The following NLRP14 variants were observed in gnomAD, a reference collection of about 807,000 sequenced individuals.
NLRP14 encodes the protein NACHT, LRR and PYD domains-containing protein 14.
NLRP14 carries 105 observed loss-of-function variants against 94.7 expected under a neutral mutation model. The observed-to-expected ratio is 1.11, with a 90% CI of 0.95 to 1.30. The LOEUF (loss-of-function observed/expected upper bound fraction) is 1.30, where lower values mean the gene tolerates loss of function less well. Ranked by LOEUF, NLRP14 falls within the 50% of genes most tolerant of loss-of-function variation. NLRP14 has a pLI of 0.00. For missense variants in NLRP14, 1,362 were observed against 1,254.1 expected (o/e 1.09, Z -1.30); for synonymous variants, 508 against 459.9 (o/e 1.10, Z -1.34).
At chr11:7,036,777 A>G (rs10500674) in intron 1 of NLRP14, among the ~76,000 whole-genome samples, 93,883 of 151,872 alleles carry the variant, frequency 0.62, 29,314 homozygotes, top group East Asian at 0.74. Context: ...AGAGTATAGA[A>G]GATTGAAGAA....
chr11:7,081,150 T>A, the NLRP14 span, among the ~76,000 whole-genome samples: 1 of 152,200 alleles, frequency 6.6e-6, no homozygotes, highest in Admixed American at 6.5e-5. Flanking sequence ...TTTATGGTCA[T>A]GCTGACCTTA....
intron 1 of NLRP14, among the ~76,000 whole-genome samples, chr11:7,037,787 T>A (rs532698168): frequency 6.6e-6 from 1 of 152,150 alleles, no homozygotes; most frequent in Non-Finnish European, 1.5e-5. Flanking sequence ...CTTAAAAGTT[T>A]GAGTAGTCAT....
chr11:7,039,593 T>C, intron 2 of NLRP14, 121 bp from the exon 3 acceptor site: 1 of 834,086 alleles, frequency 1.2e-6, no homozygotes, highest in Non-Finnish European at 2.1e-6. Flanking sequence ...GCTCTAGTTT[T>C]CTTAAACCCA....
At chr11:7,069,962 C>G (rs1852766677) in intron 10 of NLRP14, among the ~76,000 whole-genome samples, 2 of 152,114 alleles carry the variant, frequency 1.3e-5, no homozygotes, top group African/African-American at 4.8e-5. Flanking sequence ...TACCAAGCTT[C>G]CAATATCTAG....
At chr11:7,050,448 A>T (rs1852425565) in intron 6 of NLRP14, among the ~76,000 whole-genome samples, 1 of 132,338 alleles carries the variant, frequency 7.6e-6, no homozygotes, top group Admixed American at 7.9e-5. Context: ...ATTGTGTGAC[A>T]GGTTTTAAGA....
chr11:7,077,229 G>C, the NLRP14 span, among the ~76,000 whole-genome samples: 1 of 152,216 alleles, frequency 6.6e-6, no homozygotes, highest in Non-Finnish European at 1.5e-5. Flanking sequence ...GGCGTGGGGC[G>C]CCTGGTAGGG....
the NLRP14 span, chr11:7,089,592 G>C: frequency 8.4e-7 from 1 of 1,184,770 alleles, no homozygotes; most frequent in Non-Finnish European, 1.0e-6. Flanking sequence ...GCGCAGGGTC[G>C]GCCCACCCCC....
chr11:7,038,977 T>A (rs976085216), intron 2 of NLRP14, 102 bp downstream of exon 2: 2 of 1,108,900 alleles, frequency 1.8e-6, no homozygotes, highest in Non-Finnish European at 2.5e-6. Flanking sequence ...TTAAACCATG[T>A]TGGGGGACAT....
intron 6 of NLRP14, among the ~76,000 whole-genome samples, chr11:7,055,084 T>C (rs1486678856): frequency 6.6e-6 from 1 of 152,162 alleles, no homozygotes; most frequent in Admixed American, 6.6e-5. Context: ...TATGTGTTCT[T>C]GGCACCTTTG....
chr11:7,090,368 G>T, the NLRP14 span: 1 of 1,496,072 alleles, frequency 6.7e-7, no homozygotes, highest in East Asian at 2.5e-5. Context: ...CTGTTGTATG[G>T]TAACTACCCA....
chr11:7,032,191 T>C (rs992145657), intron 1 of NLRP14, among the ~76,000 whole-genome samples: 11 of 152,214 alleles, frequency 7.2e-5, no homozygotes, highest in Non-Finnish European at 1.2e-4. Flanking sequence ...GTGTTTTGAG[T>C]TAGGACAATT....
At chr11:7,059,769 T>G (rs1589870412) in intron 8 of NLRP14, 125 bp from the exon 9 acceptor site, 1 of 795,274 alleles carries the variant, frequency 1.3e-6, no homozygotes, top group South Asian at 1.5e-5. Context: ...GCAGTGAGGG[T>G]GTTTCATCTG....
downstream of NLRP14, among the ~76,000 whole-genome samples, chr11:7,072,771 T>C (rs547782432): frequency 4.3e-4 from 66 of 152,332 alleles, 1 homozygote; most frequent in African/African-American, 1.5e-3. Context: ...GTTGAAACTT[T>C]ATCAGGGATT....
intron 6 of NLRP14, 30 bp downstream of exon 6, chr11:7,049,868 GT>G: frequency 6.3e-7 from 1 of 1,595,318 alleles, no homozygotes; most frequent in Non-Finnish European, 8.6e-7. Context: ...GTCTTGTTTT[GT>G]TTTTATAATT....
At chr11:7,063,403 C>T (rs1589872357) in intron 10 of NLRP14, among the ~76,000 whole-genome samples, 2 of 151,972 alleles carry the variant, frequency 1.3e-5, no homozygotes, top group Non-Finnish European at 1.5e-5. Flanking sequence ...CAGATGGATG[C>T]CTGCACATGC....
Position 7,042,698 on chromosome 11 carries a change from GA to G in NLRP14, c.675del (p.Glu226ArgfsTer7). 6.2e-7 allele frequency: 1 copy of G among 1,614,208 alleles called. No homozygotes were observed. The highest frequency in any genetic ancestry group is 1.1e-5 in the South Asian group (1 of 91,090). ...YLNGREINQLKERSFAQLISK... is the reference protein window; with the variant it reads ...YLNGREINQLXERSFAQLISK... The stretch of plus-strand genomic sequence containing the variant: ...TCAATGGGAGAGAAATTAACCAGCT[GA>G]AAGAGAGAAGCTTTGCTCAATTGAT... On this transcript the variant is annotated frameshift_variant, in exon 4 of 12. Coordinates refer to ENST00000299481, the MANE Select transcript of NLRP14 (RefSeq NM_176822.4). LOFTEE classifies it high-confidence loss of function.
rs1484306429 is a variant in NLRP14, at chr11:7,022,316, G to T, written c.-22+1546G>T. ...ACCAGATGCCTAGAGATGTACCCAG[G>T]GTAGGAGTGAAGAAACTGCCTTGCA... On this transcript the variant is annotated intron_variant, in intron 1 of 11. Transcript: ENST00000299481. Among the ~76,000 whole-genome samples the T allele has an allele frequency of 2.6e-5, 4 of 152,178 alleles. No individual in the cohort carries two copies. The East Asian group carries it at 5.8e-4, about 22-fold the overall frequency.
chr11:7,089,511 G>A, the NLRP14 span: 4 of 1,224,234 alleles, frequency 3.3e-6, no homozygotes, highest in Admixed American at 9.2e-5. Flanking sequence ...CGATGATGAC[G>A]GCGGCTACAC....
chr11:7,084,932 G>A, the NLRP14 span, among the ~76,000 whole-genome samples: 1 of 152,146 alleles, frequency 6.6e-6, no homozygotes, highest in African/African-American at 2.4e-5. Flanking sequence ...CAGGTAGTTA[G>A]TGTCAAAATT....
Sources: allele counts gnomAD v4.1 joint callset (sites outside exome capture counted in the v4.1 genomes callset), GRCh38; gene constraint gnomAD v4.1.1; transcripts MANE v1.5; gene names NCBI Gene and HGNC (gene_info 2026-07-23, HGNC 2026-07-21).